The following SGCZ variants were observed in gnomAD, a reference collection of about 807,000 sequenced individuals.
SGCZ encodes the protein sarcoglycan zeta.
SGCZ carries 40 observed loss-of-function variants against 41.3 expected under a neutral mutation model. That is an observed-to-expected ratio of 0.97 (90% confidence interval 0.75 to 1.26). The LOEUF (loss-of-function observed/expected upper bound fraction) is 1.26, where lower values mean the gene tolerates loss of function less well. Among genes scored for constraint, SGCZ ranks in the 50% most tolerant of loss-of-function variants. The probability of loss-of-function intolerance (pLI) is 0.00; values close to 1 mark genes in which losing one functional copy is unlikely to be tolerated. For synonymous variants in SGCZ, 206 were observed against 137.5 expected, an observed-to-expected ratio of 1.50 and a Z score of -3.49; for missense variants, 552 against 369.8, an observed-to-expected ratio of 1.49 and a Z score of -4.04.
At chr8:14,900,533 C>T (rs10503519) in intron 1 of SGCZ, among the ~76,000 whole-genome samples, 5,721 of 152,190 alleles carry the variant, frequency 0.038, 167 homozygotes, top group Non-Finnish European at 0.059. Flanking sequence ...CTCAACTATA[C>T]CGCTGGGTCC....
chr8:14,417,245 G>A (rs565258886), intron 2 of SGCZ, among the ~76,000 whole-genome samples: 3 of 151,852 alleles, frequency 2.0e-5, no homozygotes, highest in African/African-American at 7.2e-5. Flanking sequence ...AGTGCAATAG[G>A]CAAGTATAGT....
rs186461573 is a variant in SGCZ, at chr8:14,139,875, A to G, written c.547+24705T>C. On this transcript the variant is annotated intron_variant, in intron 5 of 7. Coordinates refer to ENST00000382080, the MANE Select transcript of SGCZ (RefSeq NM_139167.4). ...CCTGACACCAAAGCCTGGCAGAGAC[A>G]CAACAAAAAAACAGAATTTTAGATC... 5.4e-3 allele frequency among the ~76,000 whole-genome samples: 819 copies of G among 152,308 alleles called. 6 individuals carry two copies. The highest frequency in any genetic ancestry group is 0.017 in the Middle Eastern group (5 of 294).
chr8:14,147,632 A>G (rs1803567297), intron 5 of SGCZ, among the ~76,000 whole-genome samples: 1 of 152,158 alleles, frequency 6.6e-6, no homozygotes. Flanking sequence ...TTAACACCCC[A>G]CTTTCAGCAT....
intron 2 of SGCZ, among the ~76,000 whole-genome samples, chr8:14,440,568 T>C (rs1295222208): frequency 6.6e-6 from 1 of 152,062 alleles, no homozygotes; most frequent in African/African-American, 2.4e-5. Context: ...AATATCTCTA[T>C]TTTCATAAGT....
At chr8:14,529,486 G>C in intron 2 of SGCZ, among the ~76,000 whole-genome samples, 1 of 152,138 alleles carries the variant, frequency 6.6e-6, no homozygotes, top group East Asian at 1.9e-4. Context: ...CAAGCACAGG[G>C]CTGTCAACTT....
intron 1 of SGCZ, among the ~76,000 whole-genome samples, chr8:15,050,847 T>C (rs932732902): frequency 6.6e-6 from 1 of 152,204 alleles, no homozygotes; most frequent in Non-Finnish European, 1.5e-5. Context: ...ATTGCATTTT[T>C]AGATGAGAGA....
chr8:14,226,630 G>A (rs142031394), intron 4 of SGCZ, among the ~76,000 whole-genome samples: 282 of 152,188 alleles, frequency 1.9e-3, no homozygotes, highest in Middle Eastern at 6.8e-3. Flanking sequence ...GTTGACTCCC[G>A]TTGTTGGCAA....
rs143442744 is a variant in SGCZ at position 15,157,694 on chromosome 8, G to A, written c.39+79891C>T. Reference sequence around the variant, plus strand: ...ACACACTTACACTCATGGACATGCAGACACAGACACACTCTTAGGCACCCT... The same window carrying A: ...ACACACTTACACTCATGGACATGCAAACACAGACACACTCTTAGGCACCCT... On this transcript the variant is annotated intron_variant, in intron 1 of 7. Transcript: ENST00000382080. Among the ~76,000 whole-genome samples the A allele has an allele frequency of 1.1e-4, 17 of 152,138 alleles. No individual in the cohort carries two copies. In the South Asian group the frequency reaches 1.5e-3, roughly 13 times the overall value.
intron 2 of SGCZ, among the ~76,000 whole-genome samples, chr8:14,443,370 AG>A (rs1408051425): frequency 6.6e-6 from 1 of 152,194 alleles, no homozygotes; most frequent in East Asian, 1.9e-4. Context: ...CTAAGCCAAA[AG>A]GACAAAGCTG....
intron 4 of SGCZ, among the ~76,000 whole-genome samples, chr8:14,202,386 CATA>C (rs1805482698): frequency 6.6e-6 from 1 of 152,066 alleles, no homozygotes; most frequent in Non-Finnish European, 1.5e-5. Context: ...CTCAGAATTG[CATA>C]ATAATTTTGT....
At chr8:14,387,560 C>G (rs1420633647) in intron 2 of SGCZ, among the ~76,000 whole-genome samples, 1 of 151,936 alleles carries the variant, frequency 6.6e-6, no homozygotes, top group African/African-American at 2.4e-5. Flanking sequence ...TATTATTCTG[C>G]TTTTAAGGTT....
At chr8:14,283,008 C>T (rs977976439) in intron 3 of SGCZ, among the ~76,000 whole-genome samples, 4 of 150,834 alleles carry the variant, frequency 2.7e-5, no homozygotes, top group African/African-American at 9.8e-5. Context: ...CGCCACCACG[C>T]CCGGCTAATT....
chr8:14,586,300 A>G lies in SGCZ; in HGVS notation c.40-31374T>C, dbSNP rs1045708898. On this transcript the variant is annotated intron_variant, in intron 1 of 7. Coordinates refer to ENST00000382080, the MANE Select transcript of SGCZ (RefSeq NM_139167.4). ...CCGATCTCTGTTGACTGCAAACTCT[A>G]CCTCCTGGGCTCAAGTGATTCTTGT... Among the ~76,000 whole-genome samples the G allele has an allele frequency of 4.0e-5, 6 of 151,894 alleles. No homozygotes were observed. In the South Asian group the frequency reaches 1.3e-3, roughly 32 times the overall value.
At chr8:14,933,997 C>T (rs1800006268) in intron 1 of SGCZ, among the ~76,000 whole-genome samples, 1 of 151,870 alleles carries the variant, frequency 6.6e-6, no homozygotes, top group Non-Finnish European at 1.5e-5. Flanking sequence ...TACCAACAGG[C>T]CCTCTTATCG....
chr8:15,047,435 C>T (rs1014749873), intron 1 of SGCZ, among the ~76,000 whole-genome samples: 10 of 152,008 alleles, frequency 6.6e-5, no homozygotes, highest in African/African-American at 2.2e-4. Context: ...TAAATGCAGT[C>T]ATACAGTATT....
Position 14,953,311 on chromosome 8 carries a change from G to A in SGCZ, c.39+284274C>T, listed in dbSNP as rs150867799. Among the ~76,000 whole-genome samples the A allele has an allele frequency of 3.8e-4, 58 of 152,208 alleles. 1 individual carries two copies. The highest frequency in any genetic ancestry group is 3.4e-3 in the Middle Eastern group (1 of 294). On this transcript the variant is annotated intron_variant, in intron 1 of 7. Coordinates refer to ENST00000382080, the MANE Select transcript of SGCZ (RefSeq NM_139167.4). ...GACAGTCCCAAGGGGGAAGCGCTAC[G>A]TACATTCAAGCAACCAGATGTCTTG...
chr8:14,748,163 C>T (rs1223146789), intron 1 of SGCZ, among the ~76,000 whole-genome samples: 1 of 152,068 alleles, frequency 6.6e-6, no homozygotes, highest in Non-Finnish European at 1.5e-5. Flanking sequence ...TTAAGCTCTT[C>T]TAATATATCA....
At chr8:14,288,963 C>G (rs542917397) in intron 3 of SGCZ, among the ~76,000 whole-genome samples, 2 of 152,178 alleles carry the variant, frequency 1.3e-5, no homozygotes, top group African/African-American at 4.8e-5. Flanking sequence ...TTTTGTGTTT[C>G]AGTCATTCCA....
chr8:15,110,515 T>C (rs978309561), intron 1 of SGCZ, among the ~76,000 whole-genome samples: 2 of 152,224 alleles, frequency 1.3e-5, no homozygotes, highest in African/African-American at 4.8e-5. Context: ...ATTATTGTCC[T>C]CCAGCCCACA....
Sources: allele counts gnomAD v4.1 joint callset (sites outside exome capture counted in the v4.1 genomes callset), GRCh38; gene constraint gnomAD v4.1.1; transcripts MANE v1.5; gene names NCBI Gene and HGNC (gene_info 2026-07-23, HGNC 2026-07-21).